NCAN: variants seen among roughly 807,000 people sequenced by gnomAD.
NCAN encodes the protein neurocan core protein.
In NCAN, 47 loss-of-function variants were observed where a neutral mutation model predicts 121.8. That is an observed-to-expected ratio of 0.39 (90% CI 0.31 to 0.49). NCAN has a LOEUF of 0.49. Ranked by LOEUF, NCAN falls within the 20% of genes least tolerant of loss-of-function variation. The pLI, the probability that NCAN is intolerant of heterozygous loss-of-function variation, is 0.92. For synonymous variants in NCAN, 633 were observed against 702.0 expected (o/e 0.90, Z 1.55); for missense variants, 1,517 against 1,773.4 (o/e 0.86, Z 2.60).
intron 8 of NCAN, among the ~76,000 whole-genome samples, chr19:19,233,588 T>G (rs1328745506): frequency 1.3e-5 from 2 of 152,122 alleles, no homozygotes; most frequent in Non-Finnish European, 2.9e-5. Flanking sequence ...CCAGATGCTT[T>G]GGGGCAGTTT....
chr19:19,230,430 G>T (rs1361283565), intron 8 of NCAN, among the ~76,000 whole-genome samples: 1 of 138,122 alleles, frequency 7.2e-6, no homozygotes, highest in Non-Finnish European at 1.5e-5. Flanking sequence ...TTTAGAAAGG[G>T]TCTCACTCTG....
At chr19:19,249,651 G>C in intron 14 of NCAN, 115 bp from the exon 15 acceptor site, 1 of 1,448,980 alleles carries the variant, frequency 6.9e-7, no homozygotes, top group Admixed American at 2.3e-5. Context: ...ACAGGGATGA[G>C]CCCTCGCGTC....
intron 13 of NCAN, among the ~76,000 whole-genome samples, chr19:19,245,861 G>A (rs983037594): frequency 6.6e-6 from 1 of 152,070 alleles, no homozygotes. Flanking sequence ...CAGGGGCTAG[G>A]GTTTGGGAGA....
In NCAN at chr19:19,227,260, A is replaced by ATTGCC. The variant is rs1434337257; in HGVS notation, c.1661-17_1661-13dup. The ATTGCC allele has an allele frequency of 6.6e-7, 1 of 1,526,112 alleles. No homozygotes were observed. 94.5% of individuals were successfully genotyped at this position (1,526,112 alleles called of 1,614,324 possible). A position where few individuals can be genotyped will look rare whatever the true frequency, so the allele number is the denominator to read the frequency against. ...GGGCTGCTGAGAGATCATTGTAATG[A>ATTGCC]TTGCCTTGATGTTGTTGCAGGTTCT... is the stretch of plus-strand genomic sequence containing the variant. On this transcript the variant is annotated intron_variant, in intron 7 of 14. Coordinates refer to ENST00000252575, the MANE Select transcript of NCAN (RefSeq NM_004386.3). This position sits in a 1 kb window ranked among gnomAD's most constrained non-coding sequence, Gnocchi z 4.2.
In NCAN at chr19:19,249,889, A is replaced by G. The variant is rs746403773; in HGVS notation, c.3944A>G (p.Lys1315Arg). The G allele has an allele frequency of 6.2e-7, 1 of 1,614,008 alleles. No homozygotes were observed. Among genetic ancestry groups the G allele is most frequent in the Non-Finnish European group, 8.5e-7 (1 of 1,179,954 alleles). ...HKKHPTEDWE[K>R]DEGNFC ...AAACACCCAACGGAGGACTGGGAGA[A>G]GGACGAAGGGAATTTCTGCTGAAGA... Residue 1315 changes from lysine to arginine, a missense_variant, in exon 15 of 15, where the codon AAG becomes AGG. Lys to Arg is a conservative substitution (Grantham distance 26, BLOSUM62 2). Coordinates refer to ENST00000252575, the MANE Select transcript of NCAN (RefSeq NM_004386.3).
At chr19:19,249,265 T>G (rs1403126305) in intron 14 of NCAN, among the ~76,000 whole-genome samples, 1 of 152,110 alleles carries the variant, frequency 6.6e-6, no homozygotes, top group African/African-American at 2.4e-5. Context: ...GAGACAGGGT[T>G]TCACTATGTT....
chr19:19,226,173 A>G (rs917710444), intron 6 of NCAN, among the ~76,000 whole-genome samples: 10 of 151,854 alleles, frequency 6.6e-5, no homozygotes, highest in Non-Finnish European at 1.3e-4. Context: ...CAAGTGATCC[A>G]CCCACCTTGG....
At position 19,249,935 on chromosome 19, in the gene NCAN, A is replaced by C; in HGVS notation, c.*24A>C. ...GAAGAACCAGAAAAAAGAAAGCACA[A>C]CACCTTTCCCATGCCTCCTCTGGAG... On this transcript the variant is annotated 3_prime_UTR_variant, in exon 15 of 15. Coordinates refer to ENST00000252575, the MANE Select transcript of NCAN (RefSeq NM_004386.3). 6.2e-7 allele frequency: 1 copy of C among 1,602,554 alleles called. No individual in the cohort carries two copies. Among genetic ancestry groups the C allele is most frequent in the Non-Finnish European group, 8.5e-7 (1 of 1,173,980 alleles).
intron 2 of NCAN, among the ~76,000 whole-genome samples, 196 bp from the exon 3 acceptor site, chr19:19,218,719 G>A (rs1434639439): frequency 6.6e-6 from 1 of 152,122 alleles, no homozygotes; most frequent in Non-Finnish European, 1.5e-5. Flanking sequence ...TGATTTGCCC[G>A]CCTTGGTCTC....
intron 13 of NCAN, among the ~76,000 whole-genome samples, chr19:19,248,150 AAAC>A (rs991716297): frequency 6.6e-6 from 1 of 151,978 alleles, no homozygotes; most frequent in African/African-American, 2.4e-5. Flanking sequence ...GCTCTTTTAA[AAAC>A]AACAATAAGA....
chr19:19,216,324 T>G (rs186550156), intron 1 of NCAN, among the ~76,000 whole-genome samples: 84 of 151,624 alleles, frequency 5.5e-4, no homozygotes, highest in African/African-American at 2.0e-3. Flanking sequence ...AATTTTTTTT[T>G]TTTTTGAGAC....
chr19:19,218,934 T>A lies in NCAN; in HGVS notation c.93T>A (p.Asp31Glu). 1 of 1,521,588 alleles carries A rather than the reference T, an allele frequency of 6.6e-7. No homozygotes were observed. The highest frequency in any genetic ancestry group is 1.3e-5 in the South Asian group (1 of 75,996). The allele number at this position is 1,521,588 out of a possible 1,614,324, so 94.3% of individuals were successfully genotyped here. The change falls in exon 3 of 15, where the codon GAT (aspartate) becomes GAA (glutamate). Residue 31 changes from aspartate to glutamate, a missense_variant. Transcript: ENST00000252575. ...ACCCAGGCACACAGGATATCACCGA[T>A]GCCAGCGAAAGGGGGCTCCACATGC... The part of the protein sequence containing the change: ...AGEQGTQDIT[D>E]ASERGLHMQK...
intron 3 of NCAN, among the ~76,000 whole-genome samples, chr19:19,223,751 A>C (rs2060824957): frequency 6.6e-6 from 1 of 152,156 alleles, no homozygotes; most frequent in African/African-American, 2.4e-5. Flanking sequence ...AGGATTACAG[A>C]AGTGAGCCAA....
In NCAN at chr19:19,225,274, C is replaced by T. The variant is rs1439424988; in HGVS notation, c.1072+4C>T. On this transcript the variant is annotated splice_donor_region_variant and intron_variant, in intron 6 of 14. Transcript: ENST00000252575. This position sits in a 1 kb window ranked among gnomAD's most constrained non-coding sequence, Gnocchi z 4.0. ...TTCGACGCCTACTGCTTCCGAGGTGCGTGCGTCCCCTGGTGGCCGCGCCCC... is the reference window on the plus strand; with the variant it reads ...TTCGACGCCTACTGCTTCCGAGGTGTGTGCGTCCCCTGGTGGCCGCGCCCC... 3 of 1,520,502 alleles carry T rather than the reference C, an allele frequency of 2.0e-6. No homozygotes were observed. The Admixed American group carries it at 6.5e-5, about 33-fold the overall frequency. The allele number at this position is 1,520,502 out of a possible 1,614,324, so 94.2% of individuals were successfully genotyped here.
At chr19:19,236,508 T>C (rs2060881689) in intron 10 of NCAN, among the ~76,000 whole-genome samples, 2 of 152,234 alleles carry the variant, frequency 1.3e-5, no homozygotes, top group Admixed American at 1.3e-4. Flanking sequence ...TTTGAATAAC[T>C]ATTTGCCATT....
intron 13 of NCAN, among the ~76,000 whole-genome samples, chr19:19,246,624 C>T (rs2060925374): frequency 6.6e-6 from 1 of 152,094 alleles, no homozygotes; most frequent in African/African-American, 2.4e-5. Context: ...ACCTCCGCCT[C>T]TGAGGTTCAA....
In NCAN at chr19:19,224,290, C is replaced by T. The variant is rs368638620; in HGVS notation, c.651-16C>T. On this transcript the variant is annotated splice_polypyrimidine_tract_variant and intron_variant, in intron 4 of 14. Coordinates refer to ENST00000252575, the MANE Select transcript of NCAN (RefSeq NM_004386.3). ...GGAGCACACATCTGAGAGGGACCCT[C>T]CCCTTGTGTTGTCAGGTATCCTATC... The T allele has an allele frequency of 1.9e-6, 3 of 1,610,566 alleles. No homozygotes were observed.
chr19:19,220,450 C>CTT (rs71170607), intron 3 of NCAN, among the ~76,000 whole-genome samples: 4,993 of 72,782 alleles, frequency 0.069, 803 homozygotes, highest in South Asian at 0.12. Context: ...TTAGGCAATT[C>CTT]TTTTTTTTTT....
In NCAN at chr19:19,250,759, A is replaced by G. The variant is rs2060943549; in HGVS notation, c.*848A>G. On this transcript the variant is annotated 3_prime_UTR_variant, in exon 15 of 15. Transcript: ENST00000252575. ...GACAAAGAACCTCCTTCCTGGACCA[A>G]GGAGGTGCTGCCAAGTTTTCTAGCC... The G allele has an allele frequency of 6.5e-6, 1 of 154,422 alleles. No individual in the cohort carries two copies. The highest frequency in any genetic ancestry group is 2.0e-4 in the South Asian group (1 of 4,896). 9.6% of individuals were successfully genotyped at this position (154,422 alleles called of 1,614,324 possible). A position where few individuals can be genotyped will look rare whatever the true frequency, so the allele number is the denominator to read the frequency against.
Sources: gnomAD v4.1 joint callset for allele counts (sites outside exome capture counted in the v4.1 genomes callset) on GRCh38, gnomAD v4.1.1 for gene constraint, Gnocchi (gnomAD v3.1) non-coding constraint, MANE v1.5 for transcripts, NCBI Gene and HGNC (gene_info 2026-07-23, HGNC 2026-07-21) for gene names.